SLC35F3: variants seen among roughly 807,000 people sequenced by gnomAD.
SLC35F3 encodes solute carrier family 35 member F3.
SLC35F3 carries 25 observed loss-of-function variants against 49.9 expected under a neutral mutation model. That is an observed-to-expected ratio of 0.50 (90% CI 0.37 to 0.70). SLC35F3 has a LOEUF of 0.70. Among genes scored for constraint, SLC35F3 ranks in the 30% least tolerant of loss-of-function variants. SLC35F3 has a pLI of 0.00. For missense variants in SLC35F3, 525 were observed against 639.8 expected (o/e 0.82, Z 1.94); for synonymous variants, 275 against 265.4 (o/e 1.04, Z -0.35).
At chr1:233,920,028 G>A (rs1242545753) in intron 2 of SLC35F3, among the ~76,000 whole-genome samples, 1 of 152,214 alleles carries the variant, frequency 6.6e-6, no homozygotes, top group Non-Finnish European at 1.5e-5. Flanking sequence ...GGAGGGTGTT[G>A]TTAATGCCGT....
intron 2 of SLC35F3, among the ~76,000 whole-genome samples, chr1:234,043,592 A>G (rs1664253098): frequency 6.6e-6 from 1 of 152,150 alleles, no homozygotes; most frequent in Non-Finnish European, 1.5e-5. Flanking sequence ...ACTCTGGTAC[A>G]CTCATGAGAA....
At position 234,214,528 on chromosome 1, in the gene SLC35F3, G is replaced by A. The variant is rs1457149469; in HGVS notation, c.284-16889G>A. The A allele has an allele frequency of 1.9e-6, 3 of 1,555,570 alleles. No homozygotes were observed. Among genetic ancestry groups the A allele is most frequent in the Admixed American group, 1.9e-5 (1 of 53,222 alleles). Reference sequence around the variant, plus strand: ...AGAAGCACTCGGCCCGGGTGGCCCCGCTCAGCGCCTGCAACAGTCCGGTCC... The same window carrying A: ...AGAAGCACTCGGCCCGGGTGGCCCCACTCAGCGCCTGCAACAGTCCGGTCC... On this transcript the variant is annotated intron_variant, in intron 2 of 7. Coordinates refer to ENST00000366618, the MANE Select transcript of SLC35F3 (RefSeq NM_173508.4). The surrounding 1 kb of genome is among the most constrained non-coding windows in gnomAD (Gnocchi z 8.0).
intron 2 of SLC35F3, among the ~76,000 whole-genome samples, chr1:233,921,418 A>C (rs1662057060): frequency 6.6e-6 from 1 of 152,124 alleles, no homozygotes; most frequent in African/African-American, 2.4e-5. Context: ...CATAGTTTAC[A>C]CCAGGGCTCA....
At chr1:234,321,762 C>T (rs775492376) in intron 7 of SLC35F3, among the ~76,000 whole-genome samples, 7 of 152,150 alleles carry the variant, frequency 4.6e-5, no homozygotes, top group Admixed American at 2.6e-4. Context: ...GACCCTGCCG[C>T]GTATCTCACT....
intron 2 of SLC35F3, among the ~76,000 whole-genome samples, chr1:234,086,799 G>A (rs769423623): frequency 6.6e-6 from 1 of 152,210 alleles, no homozygotes; most frequent in Non-Finnish European, 1.5e-5. Flanking sequence ...ACTTGGAGAT[G>A]CCAGGAAATG....
At chr1:233,974,174 CTTTTTTTTTTTTTT>C (rs757673463) in intron 2 of SLC35F3, among the ~76,000 whole-genome samples, 19 of 83,112 alleles carry the variant, frequency 2.3e-4, no homozygotes, top group Admixed American at 6.7e-4. Context: ...ATTTCTATTT[CTTTTTTTTTTTTTT>C]TTTTTTTTTT....
intron 2 of SLC35F3, among the ~76,000 whole-genome samples, chr1:234,171,696 G>A (rs1416613841): frequency 6.6e-6 from 1 of 152,096 alleles, no homozygotes; most frequent in Non-Finnish European, 1.5e-5. Flanking sequence ...AGGATAGGGA[G>A]GGATTTGTTA....
chr1:234,221,065 G>A (rs976160653), intron 2 of SLC35F3, among the ~76,000 whole-genome samples: 2 of 151,972 alleles, frequency 1.3e-5, no homozygotes, highest in Non-Finnish European at 1.5e-5. Context: ...CAGATAGTAC[G>A]GTGGCATGGA....
intron 2 of SLC35F3, among the ~76,000 whole-genome samples, chr1:234,075,353 C>T (rs1255213147): frequency 6.6e-6 from 1 of 152,150 alleles, no homozygotes; most frequent in East Asian, 1.9e-4. Flanking sequence ...GGAGAGCCAA[C>T]GGAAGTGGTC....
chr1:234,259,668 C>T (rs900960785), intron 3 of SLC35F3, among the ~76,000 whole-genome samples: 3 of 151,592 alleles, frequency 2.0e-5, no homozygotes, highest in African/African-American at 7.3e-5. Context: ...AGCGAGACTC[C>T]ATCTCAAATA....
chr1:234,286,349 A>T (rs1668419664), intron 3 of SLC35F3, among the ~76,000 whole-genome samples: 1 of 152,120 alleles, frequency 6.6e-6, no homozygotes, highest in Non-Finnish European at 1.5e-5. Flanking sequence ...AATAAATGTA[A>T]GGTATCCACA....
chr1:234,231,619 G>C lies in SLC35F3; in HGVS notation c.486G>C (p.Lys162Asn). 1 of 1,614,126 alleles carries C rather than the reference G, an allele frequency of 6.2e-7. No homozygotes were observed. Among genetic ancestry groups the C allele is most frequent in the East Asian group, 2.2e-5 (1 of 44,898 alleles). Reference sequence around the variant, plus strand: ...AGCTCGCCAAGCTGACCTTCAGGAAGTTCGACGCGCCCTTCACCCTCACGT... The same window carrying C: ...AGCTCGCCAAGCTGACCTTCAGGAACTTCGACGCGCCCTTCACCCTCACGT... The part of the protein sequence containing the change: ...STQLAKLTFR[K>N]FDAPFTLTWF... The change falls in exon 3 of 8, where the codon AAG becomes AAC. Residue 162 changes from lysine to asparagine, a missense_variant. This residue lies in a region of SLC35F3 where 216 missense variants were observed against 298.1 expected (regional missense o/e 0.72). Coordinates refer to ENST00000366618, the MANE Select transcript of SLC35F3 (RefSeq NM_173508.4). This position sits in a 1 kb window ranked among gnomAD's most constrained non-coding sequence, Gnocchi z 5.4.
At position 234,049,811 on chromosome 1, in the gene SLC35F3, C is replaced by T. The variant is rs1230455649; in HGVS notation, c.283+144053C>T. ...ACTACCCCAACCCCACGACGGGCCC[C>T]GGTGTGTGATGTTCCCTTTCCTGTG... On this transcript the variant is annotated intron_variant, in intron 2 of 7. Transcript: ENST00000366618. Among the ~76,000 whole-genome samples, 10 of 152,092 alleles carry T rather than the reference C, an allele frequency of 6.6e-5. No individual in the cohort carries two copies. In the East Asian group the frequency reaches 1.4e-3, roughly 21 times the overall value.
At chr1:234,268,076 C>G (rs1207178425) in intron 3 of SLC35F3, among the ~76,000 whole-genome samples, 2 of 152,042 alleles carry the variant, frequency 1.3e-5, no homozygotes, top group Non-Finnish European at 2.9e-5. Context: ...AGGCTGCAAT[C>G]TCGGCTCTTT....
At chr1:234,312,211 GT>G in intron 4 of SLC35F3, among the ~76,000 whole-genome samples, 1 of 152,238 alleles carries the variant, frequency 6.6e-6, no homozygotes, top group South Asian at 2.1e-4. Flanking sequence ...CAGCCTCCAT[GT>G]CAAGGGAAAT....
Position 234,161,168 on chromosome 1 carries a change from T to C in SLC35F3, c.284-70249T>C, listed in dbSNP as rs573930959. ...GCCTTGGTTCAGTTACTTTTTGTGA[T>C]TTACTCTGTGCCAGCCACTAGGCTA... On this transcript the variant is annotated intron_variant, in intron 2 of 7. Transcript: ENST00000366618. Among the ~76,000 whole-genome samples the C allele has an allele frequency of 1.5e-3, 231 of 152,342 alleles. 2 individuals are homozygous for C. In the South Asian group the frequency reaches 0.017, roughly 11 times the overall value.
intron 2 of SLC35F3, among the ~76,000 whole-genome samples, chr1:234,091,880 C>A (rs150671817): frequency 6.6e-6 from 1 of 152,206 alleles, no homozygotes; most frequent in African/African-American, 2.4e-5. Context: ...GTTTTCCCCA[C>A]GCAGTATTAG....
chr1:234,215,047 G>C (rs1229888664), intron 2 of SLC35F3: 1 of 155,172 alleles, frequency 6.4e-6, no homozygotes, highest in Non-Finnish European at 1.4e-5. Context: ...GGGCTGCAGC[G>C]GGCTAAGGAG....
chr1:234,159,691 T>G (rs1293734382), intron 2 of SLC35F3, among the ~76,000 whole-genome samples: 2 of 152,182 alleles, frequency 1.3e-5, no homozygotes, highest in African/African-American at 4.8e-5. Flanking sequence ...CTCTTTGTAA[T>G]CTCATAATCA....
Sources: allele counts gnomAD v4.1 joint callset (sites outside exome capture counted in the v4.1 genomes callset), GRCh38; gene constraint gnomAD v4.1.1; regional missense constraint gnomAD v4.1.1; non-coding constraint Gnocchi (gnomAD v3.1); transcripts MANE v1.5; gene names NCBI Gene and HGNC (gene_info 2026-07-23, HGNC 2026-07-21).